The following ITSN2 variants were observed in gnomAD, a reference collection of about 807,000 sequenced individuals.
The protein encoded by ITSN2 is intersectin 2.
A neutral mutation model predicts 243.7 loss-of-function variants in ITSN2; 156 were observed. The ratio of observed to expected loss-of-function variants is 0.64; its 90% CI spans 0.56 to 0.73. The LOEUF is 0.73. ITSN2 is among the 30% of genes least tolerant of loss of function. The pLI, the probability that ITSN2 is intolerant of heterozygous loss-of-function variation, is 0.00. For synonymous variants in ITSN2, 703 were observed against 699.9 expected (o/e 1.00, Z -0.07); for missense variants, 1,801 against 1,996.1 (o/e 0.90, Z 1.86).
At chr2:24,229,936 A>T (rs1671415517) in intron 29 of ITSN2, among the ~76,000 whole-genome samples, 1 of 152,012 alleles carries the variant, frequency 6.6e-6, no homozygotes. Context: ...CAGACTTCTA[A>T]TGTCGCAGTG....
chr2:24,319,357 T>G (rs1684285923), intron 2 of ITSN2, among the ~76,000 whole-genome samples: 1 of 152,184 alleles, frequency 6.6e-6, no homozygotes, highest in African/African-American at 2.4e-5. Context: ...TTTTCTCTTG[T>G]AGAACTGCCC....
chr2:24,206,099 C>A, intron 37 of ITSN2: 1 of 301,834 alleles, frequency 3.3e-6, no homozygotes, highest in Non-Finnish European at 6.8e-6. Context: ...GGAAGCAAAA[C>A]TCAGGCAGAA....
intron 3 of ITSN2, 70 bp from the exon 4 acceptor site, chr2:24,313,593 T>TTTC: frequency 9.7e-7 from 1 of 1,033,216 alleles, no homozygotes; most frequent in Non-Finnish European, 1.5e-6. Flanking sequence ...TTCTGAATAA[T>TTTC]AATGGGTATA....
chr2:24,340,751 AACAC>A (rs34201222), intron 1 of ITSN2, among the ~76,000 whole-genome samples: 5 of 151,290 alleles, frequency 3.3e-5, no homozygotes, highest in African/African-American at 7.3e-5. Context: ...AAGGAAAAAA[AACAC>A]ACACACACAC....
intron 1 of ITSN2, among the ~76,000 whole-genome samples, chr2:24,338,998 T>C (rs1367308404): frequency 2.0e-5 from 3 of 152,150 alleles, no homozygotes; most frequent in Non-Finnish European, 4.4e-5. Context: ...GAACTCCAAG[T>C]GTCCTTGGAG....
intron 15 of ITSN2, among the ~76,000 whole-genome samples, chr2:24,288,779 T>G (rs1050699569): frequency 6.6e-6 from 1 of 152,180 alleles, no homozygotes; most frequent in Non-Finnish European, 1.5e-5. Context: ...ATTCCTCCTA[T>G]CTAACTGAAA....
chr2:24,252,805 T>C (rs997650310), intron 24 of ITSN2, among the ~76,000 whole-genome samples: 7 of 152,204 alleles, frequency 4.6e-5, no homozygotes, highest in Non-Finnish European at 8.8e-5. Flanking sequence ...TAATAGTATC[T>C]CTATAGATAA....
chr2:24,311,919 T>C (rs192604437), intron 5 of ITSN2, among the ~76,000 whole-genome samples: 4 of 152,344 alleles, frequency 2.6e-5, no homozygotes, highest in Admixed American at 2.6e-4. Flanking sequence ...TGGGATTGGC[T>C]ATACCTAGGG....
At chr2:24,239,520 A>G (rs1217322039) in intron 29 of ITSN2, 1 of 152,082 alleles carries the variant, frequency 6.6e-6, no homozygotes, top group Non-Finnish European at 1.5e-5. Flanking sequence ...CATTTCTGGA[A>G]AACCTAAAAG....
chr2:24,335,819 G>A (rs987366645), intron 1 of ITSN2, among the ~76,000 whole-genome samples: 1 of 151,714 alleles, frequency 6.6e-6, no homozygotes, highest in Non-Finnish European at 1.5e-5. Flanking sequence ...TGTATTTTTA[G>A]TAGGGACGGG....
Position 24,261,213 on chromosome 2 carries a change from A to G in ITSN2, c.2575T>C (p.Tyr859His). 6.2e-7 allele frequency: 1 copy of G among 1,612,758 alleles called. No individual in the cohort carries two copies. The highest frequency in any genetic ancestry group is 1.1e-5 in the South Asian group (1 of 91,004). ...AGGTTTGAAAAAGATACATTTTGAT[A>G]ATCAGTCACTGATGCTGGTTGATTT... ...SSNQPASVTD[Y>H]QNVSFSNLTV... Residue 859 changes from tyrosine to histidine, a missense_variant, in exon 22 of 40, where the codon TAT becomes CAT. By Grantham distance (83) the Tyr-to-His change is moderately conservative (BLOSUM62 2). Coordinates refer to ENST00000355123, the MANE Select transcript of ITSN2 (RefSeq NM_006277.3).
intron 1 of ITSN2, among the ~76,000 whole-genome samples, chr2:24,337,135 G>A (rs1442648659): frequency 1.3e-5 from 2 of 149,930 alleles, no homozygotes; most frequent in South Asian, 2.1e-4. Context: ...TTTATCGAGA[G>A]TGAGGAAGGC....
Position 24,248,886 on chromosome 2 carries a change from C to T in ITSN2, c.3121-4G>A. 1 of 1,613,108 alleles carries T rather than the reference C, an allele frequency of 6.2e-7. No homozygotes were observed. The highest frequency in any genetic ancestry group is 8.5e-7 in the Non-Finnish European group (1 of 1,179,186). ...ACTTGCTAGCACTCCCAAAACTCTA[C>T]AAGGAAAAGATACCGTGTTGTTTTA... On this transcript the variant is annotated splice_region_variant and splice_polypyrimidine_tract_variant and intron_variant, in intron 25 of 39. Transcript: ENST00000355123.
chr2:24,324,763 G>A (rs1684963113), intron 2 of ITSN2, among the ~76,000 whole-genome samples: 1 of 149,040 alleles, frequency 6.7e-6, no homozygotes. Context: ...TGAGGCAGAA[G>A]GAATTGCTTG....
Position 24,205,237 on chromosome 2 carries a change from T to C in ITSN2, c.4739A>G (p.Glu1580Gly). 1.9e-6 allele frequency: 3 copies of C among 1,613,958 alleles called. No homozygotes were observed. Among genetic ancestry groups the C allele is most frequent in the South Asian group, 2.2e-5 (2 of 91,074 alleles). Residue 1580 changes from glutamate (E) to glycine (G), a missense_variant, in exon 38 of 40, where the codon GAA (glutamate) becomes GGA (glycine). Physicochemically the swap from Glu to Gly is moderately conservative, Grantham distance 98. Transcript: ENST00000355123. ...ACCATTTGGTTTGCAGGCTTTTAAT[T>C]CTGTAGCTTCAATGACATGCACCAT... The part of the protein sequence containing the change: ...RLMVHVIEAT[E>G]LKACKPNGKS...
intron 29 of ITSN2, among the ~76,000 whole-genome samples, chr2:24,230,747 G>A (rs577579918): frequency 7.2e-4 from 109 of 152,070 alleles, no homozygotes; most frequent in African/African-American, 2.3e-3. Context: ...CAGCCTGGGC[G>A]ACAAGAGTGA....
intron 30 of ITSN2, 85 bp downstream of exon 30, chr2:24,220,860 T>C: frequency 6.7e-7 from 1 of 1,491,902 alleles, no homozygotes. Flanking sequence ...TGACTCTGCG[T>C]GGAGGCAGCC....
In ITSN2 at chr2:24,301,213, T is replaced by C. The variant is rs1681683595; in HGVS notation, c.1022A>G (p.Asn341Ser). The C allele has an allele frequency of 5.0e-6, 8 of 1,608,348 alleles. No homozygotes were observed. Among genetic ancestry groups the C allele is most frequent in the Admixed American group, 1.7e-5 (1 of 59,494 alleles). Reference sequence around the variant, plus strand: ...TTTCTGATATGAAGGCAGAGTTCCATTAATGGAATCAATTTGCTTTCCTCC... The same window carrying C: ...TTTCTGATATGAAGGCAGAGTTCCACTAATGGAATCAATTTGCTTTCCTCC... The part of the protein sequence containing the change: ...FRGGKQIDSI[N>S]GTLPSYQKMQ... The change falls in exon 11 of 40, where the codon AAT (asparagine) becomes AGT (serine). Residue 341 changes from asparagine to serine, a missense_variant. Asn to Ser is a conservative substitution (Grantham distance 46). Transcript: ENST00000355123.
chr2:24,261,534 A>C, intron 21 of ITSN2, 27 bp downstream of exon 21: 3 of 1,553,024 alleles, frequency 1.9e-6, no homozygotes, highest in Non-Finnish European at 1.8e-6. Context: ...AGATCTATAT[A>C]AACTTTACTG....
Sources: gnomAD v4.1 joint callset for allele counts (sites outside exome capture counted in the v4.1 genomes callset) on GRCh38, gnomAD v4.1.1 for gene constraint, MANE v1.5 for transcripts, NCBI Gene and HGNC (gene_info 2026-07-23, HGNC 2026-07-21) for gene names.